The following MED13L variants were observed in gnomAD, a reference collection of about 807,000 sequenced individuals.
MED13L encodes the protein mediator complex subunit 13L.
In MED13L, 7 loss-of-function variants were observed where a neutral mutation model predicts 220.9. The ratio of observed to expected loss-of-function variants is 0.03; its 90% CI spans 0.02 to 0.06. The LOEUF (loss-of-function observed/expected upper bound fraction) is 0.06, where lower values mean the gene tolerates loss of function less well. MED13L is among the 10% of genes least tolerant of loss of function. MED13L has a pLI of 1.00. For missense variants in MED13L, 1,965 were observed against 2,760.5 expected (o/e 0.71, Z 6.46); for synonymous variants, 1,011 against 1,015.2 (o/e 1.00, Z 0.08).
intron 4 of MED13L, among the ~76,000 whole-genome samples, chr12:116,033,521 C>T (rs1880983548): frequency 6.6e-6 from 1 of 152,102 alleles, no homozygotes; most frequent in African/African-American, 2.4e-5. Context: ...AATATTTCTC[C>T]AGATGTTTCT....
chr12:116,189,317 G>A (rs936843919), intron 2 of MED13L, among the ~76,000 whole-genome samples: 1 of 151,688 alleles, frequency 6.6e-6, no homozygotes, highest in African/African-American at 2.4e-5. Context: ...ATATCTCTTC[G>A]TATCTTTTGC....
intron 2 of MED13L, among the ~76,000 whole-genome samples, chr12:116,191,773 G>A (rs1461505296): frequency 1.3e-5 from 2 of 151,896 alleles, no homozygotes; most frequent in East Asian, 1.9e-4. Flanking sequence ...TTGAGCCCAG[G>A]AGTTGGAGAC....
At chr12:116,245,626 G>A (rs1871030818) in intron 1 of MED13L, among the ~76,000 whole-genome samples, 1 of 152,100 alleles carries the variant, frequency 6.6e-6, no homozygotes, top group African/African-American at 2.4e-5. Flanking sequence ...GCTATTTCAG[G>A]AGAGAATTTT....
Position 116,019,366 on chromosome 12 carries a change from C to G in MED13L, c.867G>C (p.Gln289His), listed in dbSNP as rs145709378. 1 of 1,613,996 alleles carries G rather than the reference C, an allele frequency of 6.2e-7. No individual in the cohort carries two copies. Among genetic ancestry groups the G allele is most frequent in the African/African-American group, 1.3e-5 (1 of 75,024 alleles). ...CACTCTGAGGAACCGGGATGTCATT[C>G]TGAGAGATCAAAACAAATGCTGAAG... ...VYPSAFVLISQNDIPVPQSVA... is the reference protein window; with the variant it reads ...VYPSAFVLISHNDIPVPQSVA... The change falls in exon 7 of 31, where the codon CAG becomes CAC. Residue 289 changes from glutamine (Q) to histidine (H), a missense_variant. Gln to His is a conservative substitution (Grantham distance 24, BLOSUM62 0). This residue lies in a region of MED13L where 818 missense variants were observed against 1,041.2 expected (regional missense o/e 0.79). Coordinates refer to ENST00000281928, the MANE Select transcript of MED13L (RefSeq NM_015335.5).
chr12:116,253,503 T>A (rs1273952495), intron 1 of MED13L, among the ~76,000 whole-genome samples: 7 of 151,916 alleles, frequency 4.6e-5, no homozygotes, highest in Admixed American at 1.3e-4. Flanking sequence ...ATAAGAAATG[T>A]ACACGCCAAT....
intron 2 of MED13L, among the ~76,000 whole-genome samples, chr12:116,129,063 T>C (rs181716048): frequency 1.7e-4 from 26 of 152,366 alleles, no homozygotes; most frequent in African/African-American, 5.8e-4. Flanking sequence ...TATTCTCAAG[T>C]ATCTCTGGCT....
chr12:116,031,730 GAAAAGAAAAGAAAAGAAAAGAAAAGAAAA>G (rs1566020671), intron 4 of MED13L, among the ~76,000 whole-genome samples: 745 of 65,354 alleles, frequency 0.011, 42 homozygotes, highest in African/African-American at 0.054. Flanking sequence ...GAAAAGAAAA[GAAAAGAAAAGAAAAGAAAAGAAAAGAAAA>G]GAAGGAAGGA....
intron 2 of MED13L, among the ~76,000 whole-genome samples, chr12:116,114,447 C>G (rs983292435): frequency 2.0e-5 from 3 of 152,146 alleles, no homozygotes; most frequent in Admixed American, 2.0e-4. Flanking sequence ...AAATTTTATC[C>G]TGATTTCTAC....
chr12:116,000,613 T>C (rs1400464489), intron 14 of MED13L, among the ~76,000 whole-genome samples: 1 of 152,184 alleles, frequency 6.6e-6, no homozygotes, highest in Non-Finnish European at 1.5e-5. Context: ...AATCCAACTC[T>C]TTCCTTTTGT....
chr12:116,270,174 G>A (rs1301878981), intron 1 of MED13L, among the ~76,000 whole-genome samples: 3 of 147,964 alleles, frequency 2.0e-5, no homozygotes, highest in South Asian at 2.1e-4. Context: ...ACAGACTCTC[G>A]CTCTGTCGCC....
chr12:116,050,820 T>G lies in MED13L; in HGVS notation c.480-28219A>C, dbSNP rs1592987961. ...CAGGCGTGGTGGCACATGCCAGTAA[T>G]CCCAGCTGTTCAGGAGGCTGAGGTA... On this transcript the variant is annotated intron_variant, in intron 4 of 30. Transcript: ENST00000281928. 3.9e-5 allele frequency among the ~76,000 whole-genome samples: 6 copies of G among 152,024 alleles called. No homozygotes were observed. The South Asian group carries it at 1.0e-3, about 26-fold the overall frequency.
At chr12:116,087,444 T>C (rs1192747514) in intron 4 of MED13L, among the ~76,000 whole-genome samples, 1 of 152,226 alleles carries the variant, frequency 6.6e-6, no homozygotes, top group Non-Finnish European at 1.5e-5. Context: ...CAGAAATGAA[T>C]ATTCTTGTCG....
At chr12:115,984,471 A>G (rs1877551961) in intron 19 of MED13L, 99 bp from the exon 20 acceptor site, 1 of 1,351,718 alleles carries the variant, frequency 7.4e-7, no homozygotes, top group African/African-American at 1.4e-5. Context: ...ATATGGAAGC[A>G]TTTTCCTTTT....
At position 116,084,863 on chromosome 12, in the gene MED13L, A is replaced by C. The variant is rs77883551; in HGVS notation, c.479+11806T>G. Among the ~76,000 whole-genome samples the C allele has an allele frequency of 1.6e-3, 249 of 152,192 alleles. 1 individual carries two copies. Among genetic ancestry groups the C allele is most frequent in the African/African-American group, 5.7e-3 (235 of 41,538 alleles). ...TTTTAAATCACAGAGACAAATCCCA[A>C]AATTTACCAGCCAACAGCCCAATTC... On this transcript the variant is annotated intron_variant, in intron 4 of 30. Coordinates refer to ENST00000281928, the MANE Select transcript of MED13L (RefSeq NM_015335.5).
At position 116,008,787 on chromosome 12, in the gene MED13L, C is replaced by G; in HGVS notation, c.1626G>C (p.Leu542=). 1 of 1,613,942 alleles carries G rather than the reference C, an allele frequency of 6.2e-7. No individual in the cohort carries two copies. The highest frequency in any genetic ancestry group is 2.2e-5 in the East Asian group (1 of 44,836). ...GGGAATGAGGTGAATCCATAGGATT[C>G]AGATTCATTTGCTTGCTTGTATTTC... ...PSRNTSKQMN[L]NPMDSPHSPI... Residue 542 remains leucine (L), a synonymous_variant, in exon 10 of 31, where the codon CTG becomes CTC. Transcript: ENST00000281928.
At position 116,263,319 on chromosome 12, in the gene MED13L, A is replaced by T. The variant is rs527255890; in HGVS notation, c.72+13741T>A. On this transcript the variant is annotated intron_variant, in intron 1 of 30. Transcript: ENST00000281928. The stretch of plus-strand genomic sequence containing the variant: ...ATTAAACTATGTAATCTGAAGACCA[A>T]AAAAAGTAAAACTGACTGAGAAAAG... Among the ~76,000 whole-genome samples the T allele has an allele frequency of 2.6e-5, 4 of 152,334 alleles. No individual in the cohort carries two copies. In the East Asian group the frequency reaches 7.7e-4, roughly 29 times the overall value.
At chr12:116,124,335 A>C (rs1378147055) in intron 2 of MED13L, among the ~76,000 whole-genome samples, 1 of 152,180 alleles carries the variant, frequency 6.6e-6, no homozygotes, top group Non-Finnish European at 1.5e-5. Context: ...ACTCTTACAG[A>C]AATTCATTCT....
At chr12:115,994,150 A>G (rs1878250054) in intron 16 of MED13L, among the ~76,000 whole-genome samples, 1 of 152,222 alleles carries the variant, frequency 6.6e-6, no homozygotes, top group Admixed American at 6.5e-5. Flanking sequence ...CAGTGCAGAC[A>G]GGAATCACCT....
intron 2 of MED13L, among the ~76,000 whole-genome samples, chr12:116,234,042 T>C (rs1869834126): frequency 6.6e-6 from 1 of 152,172 alleles, no homozygotes; most frequent in South Asian, 2.1e-4. Flanking sequence ...GCTTTGGTAT[T>C]ACATCTCACC....
Sources: allele counts gnomAD v4.1 joint callset (sites outside exome capture counted in the v4.1 genomes callset), GRCh38; gene constraint gnomAD v4.1.1; regional missense constraint gnomAD v4.1.1; transcripts MANE v1.5; gene names NCBI Gene and HGNC (gene_info 2026-07-23, HGNC 2026-07-21).